VPS13C: variants seen among roughly 807,000 people sequenced by gnomAD.
The protein encoded by VPS13C is vacuolar protein sorting 13 homolog C, also known as intermembrane lipid transfer protein VPS13C.
In VPS13C, 358 loss-of-function variants were observed where a neutral mutation model predicts 456.8. The ratio of observed to expected loss-of-function variants is 0.78; its 90% CI spans 0.72 to 0.86. The LOEUF is 0.86. Ranked by LOEUF, VPS13C falls within the 40% of genes least tolerant of loss-of-function variation. The pLI is 0.00. For synonymous variants in VPS13C, 1,578 were observed against 1,486.7 expected (o/e 1.06, Z -1.41); for missense variants, 4,818 against 4,385.4 (o/e 1.10, Z -2.79).
chr15:61,958,468 A>G, intron 37 of VPS13C, 140 bp downstream of exon 37: 1 of 544,908 alleles, frequency 1.8e-6, no homozygotes, highest in Non-Finnish European at 3.2e-6. Context: ...ATTTCATTCA[A>G]TAGCATCTTG....
Position 61,950,925 on chromosome 15 carries a change from C to T in VPS13C, c.4536+20G>A. ...TCATATATTCAAATATTAAAGAATC[C>T]TAGAAATGAAACTAGTTACCTTTGT... On this transcript the variant is annotated intron_variant, in intron 40 of 84. Coordinates refer to ENST00000644861, the MANE Select transcript of VPS13C (RefSeq NM_020821.3). 6.6e-7 allele frequency: 1 copy of T among 1,515,148 alleles called. No homozygotes were observed. Among genetic ancestry groups the T allele is most frequent in the South Asian group, 1.2e-5 (1 of 82,048 alleles). The allele number at this position is 1,515,148 out of a possible 1,614,324, so 93.9% of individuals were successfully genotyped here. A position where few individuals can be genotyped will look rare whatever the true frequency, so the allele number is the denominator to read the frequency against.
At chr15:61,923,188 G>A (rs1209591434) in intron 53 of VPS13C, among the ~76,000 whole-genome samples, 2 of 148,662 alleles carry the variant, frequency 1.3e-5, no homozygotes, top group Non-Finnish European at 3.0e-5. Flanking sequence ...CATAAATATC[G>A]GTATGCAACA....
chr15:61,865,503 T>G, intron 81 of VPS13C: 3 of 977,834 alleles, frequency 3.1e-6, no homozygotes, highest in Non-Finnish European at 1.2e-6. Flanking sequence ...AAAATGAGTA[T>G]TAAATGACTA....
intron 74 of VPS13C, 23 bp downstream of exon 74, chr15:61,878,584 A>C: frequency 6.2e-7 from 1 of 1,603,032 alleles, no homozygotes; most frequent in Middle Eastern, 1.7e-4. Context: ...CTGCTTCTCA[A>C]TGTACTCTAA....
intron 67 of VPS13C, among the ~76,000 whole-genome samples, chr15:61,886,566 G>A (rs1896288328): frequency 6.6e-6 from 1 of 152,052 alleles, no homozygotes; most frequent in Non-Finnish European, 1.5e-5. Flanking sequence ...GAGTAGCAAT[G>A]TCAAAGAAGC....
Position 61,853,956 on chromosome 15 carries a change from A to C in VPS13C, c.*501T>G, listed in dbSNP as rs2059471. The C allele has an allele frequency of 0.53, 81,232 of 152,446 alleles. 22,065 individuals are homozygous for C. Among genetic ancestry groups the C allele is most frequent in the Admixed American group, 0.62 (9,587 of 15,548 alleles). The allele number at this position is 152,446 out of a possible 1,614,324, so 9.4% of individuals were successfully genotyped here. ...ACTCAGGAGGCTGAGGCAGTAGAACAGCTTGAACCCGAGAGGCAGAGATTG... is the reference window on the plus strand; with the variant it reads ...ACTCAGGAGGCTGAGGCAGTAGAACCGCTTGAACCCGAGAGGCAGAGATTG... On this transcript the variant is annotated 3_prime_UTR_variant, in exon 85 of 85. Coordinates refer to ENST00000644861, the MANE Select transcript of VPS13C (RefSeq NM_020821.3).
chr15:61,912,692 G>A (rs567656725), intron 62 of VPS13C, among the ~76,000 whole-genome samples: 9 of 150,838 alleles, frequency 6.0e-5, no homozygotes, highest in African/African-American at 2.2e-4. Context: ...TGCACAATGT[G>A]CAGGTTAGTT....
At chr15:61,953,248 TA>T (rs1207918363) in intron 38 of VPS13C, among the ~76,000 whole-genome samples, 1 of 151,842 alleles carries the variant, frequency 6.6e-6, no homozygotes, top group Non-Finnish European at 1.5e-5. Context: ...TTTATTTTAT[TA>T]TTATTATACT....
intron 35 of VPS13C, among the ~76,000 whole-genome samples, chr15:61,961,336 G>A (rs2045194074): frequency 1.3e-5 from 2 of 151,194 alleles, no homozygotes; most frequent in Admixed American, 6.6e-5. Context: ...AGGTTGCAGT[G>A]AGCCGAGATC....
chr15:62,041,251 T>G, intron 3 of VPS13C, 73 bp downstream of exon 3: 1 of 1,497,006 alleles, frequency 6.7e-7, no homozygotes, highest in South Asian at 1.2e-5. Flanking sequence ...AAGATTTTTT[T>G]AGGTTAAATA....
intron 74 of VPS13C, 107 bp from the exon 75 acceptor site, chr15:61,877,161 A>C (rs1173800243): frequency 2.7e-6 from 2 of 727,550 alleles, no homozygotes; most frequent in African/African-American, 3.7e-5. Flanking sequence ...ATTCTTTCAC[A>C]ATTGACTTCG....
At chr15:61,895,686 G>A (rs1201657429) in intron 66 of VPS13C, among the ~76,000 whole-genome samples, 1 of 152,182 alleles carries the variant, frequency 6.6e-6, no homozygotes. Flanking sequence ...ATCATGTTAA[G>A]TGAAATAAGC....
chr15:62,029,696 C>T (rs966792981), intron 5 of VPS13C, among the ~76,000 whole-genome samples: 3 of 151,838 alleles, frequency 2.0e-5, no homozygotes, highest in African/African-American at 7.3e-5. Context: ...TCCAAGGACT[C>T]TCTAATTTTT....
In VPS13C at chr15:61,881,574, G is replaced by C. The variant is rs1895851286; in HGVS notation, c.9765C>G (p.Val3255=). The change falls in exon 71 of 85, where the codon GTC becomes GTG. Residue 3255 remains valine, a synonymous_variant. Transcript: ENST00000644861. ...VITRFNEYSK[V]LQFKYFMVLI... Reference sequence around the variant, plus strand: ...GAATCTTCACTTACTTGAACTGTAAGACTTTACTGTACTCATTAAATCTTG... The same window carrying C: ...GAATCTTCACTTACTTGAACTGTAACACTTTACTGTACTCATTAAATCTTG... The C allele has an allele frequency of 6.2e-7, 1 of 1,607,506 alleles. No homozygotes were observed. Among genetic ancestry groups the C allele is most frequent in the Admixed American group, 1.7e-5 (1 of 58,884 alleles).
chr15:61,954,458 T>C lies in VPS13C; in HGVS notation c.4262A>G (p.Asp1421Gly). 6.2e-7 allele frequency: 1 copy of C among 1,607,558 alleles called. No homozygotes were observed. The highest frequency in any genetic ancestry group is 8.5e-7 in the Non-Finnish European group (1 of 1,177,710). Residue 1421 changes from aspartate to glycine, a missense_variant, in exon 38 of 85, where the codon GAC becomes GGC. Around this residue, in one of 3 missense-constraint regions of VPS13C, gnomAD observed 4,552 missense variants for 4,130.6 expected, o/e 1.10. Transcript: ENST00000644861. ...AAAATTCAGCAGCATATTAATGATG[T>C]CTACAGACCTAATTTCTTCCACTCC... ...TTGVEEIRSVDIINMLLNFEI... is the reference protein window; with the variant it reads ...TTGVEEIRSVGIINMLLNFEI...
chr15:61,946,314 T>C lies in VPS13C; in HGVS notation c.4973A>G (p.His1658Arg). The change falls in exon 44 of 85, where the codon CAC (histidine) becomes CGC (arginine). Residue 1658 changes from histidine (H) to arginine (R), a missense_variant. Physicochemically the swap from His to Arg is conservative, Grantham distance 29. Around this residue, in one of 3 missense-constraint regions of VPS13C, gnomAD observed 4,552 missense variants for 4,130.6 expected, o/e 1.10. Transcript: ENST00000644861. ...AATCTATTTTTTAATCACCTTTTTG[T>C]GAATGGACTGCAAATCTACATTCAT... The part of the protein sequence containing the change: ...IVMNVDLQSI[H>R]KKAVSILGDE... 1 of 1,590,456 alleles carries C rather than the reference T, an allele frequency of 6.3e-7. No individual in the cohort carries two copies. Among genetic ancestry groups the C allele is most frequent in the East Asian group, 2.3e-5 (1 of 44,284 alleles).
intron 81 of VPS13C, chr15:61,868,064 A>C: frequency 1.4e-6 from 1 of 723,122 alleles, no homozygotes. Context: ...TTTATTTTAA[A>C]GTCAAGGTAG....
At chr15:62,044,107 T>C (rs2140730689) in intron 2 of VPS13C, 105 bp downstream of exon 2, 6 of 715,612 alleles carry the variant, frequency 8.4e-6, no homozygotes, top group Non-Finnish European at 1.4e-5. Flanking sequence ...CCTTGAGTGA[T>C]TCCATCACTT....
chr15:61,922,549 T>C lies in VPS13C; in HGVS notation c.6823A>G (p.Asn2275Asp). Residue 2275 changes from asparagine (N) to aspartate (D), a missense_variant, in exon 54 of 85, where the codon AAT becomes GAT. By Grantham distance (23) the Asn-to-Asp change is conservative (BLOSUM62 1). This residue lies in a region of VPS13C where 4,552 missense variants were observed against 4,130.6 expected (regional missense o/e 1.10). Transcript: ENST00000644861. ...ATGGATTCTACAACAACACCACAAT[T>C]TTCCTCTATCAGTGAATGTTCAATG... ...KGIEHSLIEENCGVVVESIQV... is the reference protein window; with the variant it reads ...KGIEHSLIEEDCGVVVESIQV... 1 of 1,614,072 alleles carries C rather than the reference T, an allele frequency of 6.2e-7. No homozygotes were observed. Among genetic ancestry groups the C allele is most frequent in the Admixed American group, 1.7e-5 (1 of 60,026 alleles).
Sources: allele counts gnomAD v4.1 joint callset (sites outside exome capture counted in the v4.1 genomes callset), GRCh38; gene constraint gnomAD v4.1.1; regional missense constraint gnomAD v4.1.1; transcripts MANE v1.5; gene names NCBI Gene and HGNC (gene_info 2026-07-23, HGNC 2026-07-21).